ZNF207: variants seen among roughly 807,000 people sequenced by gnomAD.
ZNF207 encodes zinc finger protein 207, also known as BUB3-interacting and GLEBS motif-containing protein ZNF207.
ZNF207 carries 24 observed loss-of-function variants against 60.2 expected under a neutral mutation model. That is an observed-to-expected ratio of 0.40 (90% CI 0.29 to 0.56). The LOEUF (loss-of-function observed/expected upper bound fraction) is 0.56, where lower values mean the gene tolerates loss of function less well. Among genes scored for constraint, ZNF207 ranks in the 20% least tolerant of loss-of-function variants. The pLI is 0.49. For synonymous variants in ZNF207, 236 were observed against 194.7 expected, an observed-to-expected ratio of 1.21 and a Z score of -1.77; for missense variants, 452 against 636.6, an observed-to-expected ratio of 0.71 and a Z score of 3.12.
chr17:32,357,147 A>G (rs1042444790), intron 2 of ZNF207, among the ~76,000 whole-genome samples: 1 of 149,360 alleles, frequency 6.7e-6, no homozygotes, highest in Non-Finnish European at 1.5e-5. Flanking sequence ...ATGGCACTGT[A>G]CTCCTGCTTG....
rs1360915446 is a variant in ZNF207, at chr17:32,377,618, G to A, written c.*7859G>A. The A allele has an allele frequency of 6.6e-6, 1 of 151,804 alleles. No homozygotes were observed. The highest frequency in any genetic ancestry group is 1.5e-5 in the Non-Finnish European group (1 of 67,808). 9.4% of individuals were successfully genotyped at this position (151,804 alleles called of 1,614,324 possible). On this transcript the variant is annotated 3_prime_UTR_variant, in exon 12 of 12. Transcript: ENST00000394670. ...ATGTCTACATATTCGTTTAAATTTA[G>A]AAATTCCCACATGTTTAAGATATAT...
chr17:32,361,171 G>T, intron 5 of ZNF207: 1 of 621,336 alleles, frequency 1.6e-6, no homozygotes, highest in Non-Finnish European at 2.8e-6. Context: ...GGGTTTTAGG[G>T]TATATGTAAG....
At chr17:32,357,392 AGG>A (rs1483303777) in intron 2 of ZNF207, among the ~76,000 whole-genome samples, 1 of 137,190 alleles carries the variant, frequency 7.3e-6, no homozygotes, top group African/African-American at 2.8e-5. Flanking sequence ...TCTCTTGCCC[AGG>A]CTAGAGTGCC....
intron 2 of ZNF207, among the ~76,000 whole-genome samples, chr17:32,357,314 T>TATC (rs1211071903): frequency 1.2e-5 from 1 of 82,640 alleles, no homozygotes; most frequent in African/African-American, 6.7e-5. Context: ...CTATTCTAAT[T>TATC]ATTATTATTA....
Position 32,369,408 on chromosome 17 carries a change from A to C in ZNF207, c.1278A>C (p.Pro426=). ...GPIGGMMPPQ[P]GIPQQQGMRP... is the part of the protein sequence containing the mutation. ...TTGGAGGTATGATGCCACCACAGCCAGGCATCCCACAGCAACAAGGAATGA... is the reference window on the plus strand; with the variant it reads ...TTGGAGGTATGATGCCACCACAGCCCGGCATCCCACAGCAACAAGGAATGA... Residue 426 remains proline, a synonymous_variant, in exon 11 of 12, where the codon CCA becomes CCC. Transcript: ENST00000394670. 1 of 1,614,182 alleles carries C rather than the reference A, an allele frequency of 6.2e-7. No homozygotes were observed. Among genetic ancestry groups the C allele is most frequent in the Non-Finnish European group, 8.5e-7 (1 of 1,180,028 alleles).
Position 32,358,100 on chromosome 17 carries a change from A to G in ZNF207, c.169-403A>G, listed in dbSNP as rs559150011. On this transcript the variant is annotated intron_variant, in intron 2 of 11. Transcript: ENST00000394670. The stretch of plus-strand genomic sequence containing the variant: ...TGGCTATATTCTAATTCTTAATATG[A>G]GGCTGTTTCATAATCTTTACTTAAT... Among the ~76,000 whole-genome samples the G allele has an allele frequency of 4.6e-5, 7 of 152,326 alleles. No individual in the cohort carries two copies. In the South Asian group the frequency reaches 1.4e-3, roughly 32 times the overall value.
At chr17:32,365,575 A>C in intron 8 of ZNF207, 88 bp downstream of exon 8, 1 of 1,265,030 alleles carries the variant, frequency 7.9e-7, no homozygotes, top group Non-Finnish European at 1.0e-6. Context: ...TTCATAGGTC[A>C]ATTTTTTTGT....
intron 3 of ZNF207, among the ~76,000 whole-genome samples, chr17:32,359,506 C>T (rs940134753): frequency 6.6e-6 from 1 of 152,104 alleles, no homozygotes; most frequent in Non-Finnish European, 1.5e-5. Flanking sequence ...CTGAGGCCTC[C>T]CTAAGTGCTG....
Sources: allele counts gnomAD v4.1 joint callset (sites outside exome capture counted in the v4.1 genomes callset), GRCh38; gene constraint gnomAD v4.1.1; transcripts MANE v1.5; gene names NCBI Gene and HGNC (gene_info 2026-07-23, HGNC 2026-07-21).